Variants in EBF2 observed in about 807,000 individuals in gnomAD.
The protein encoded by EBF2 is transcription factor COE2.
In EBF2, 21 loss-of-function variants were observed where a neutral mutation model predicts 72.8. That is an observed-to-expected ratio of 0.29 (90% CI 0.20 to 0.42). The LOEUF (loss-of-function observed/expected upper bound fraction) is 0.42. Ranked by LOEUF, EBF2 falls within the 10% of genes least tolerant of loss-of-function variation. The pLI, the probability that EBF2 is intolerant of heterozygous loss-of-function variation, is 1.00. For synonymous variants in EBF2, 299 were observed against 274.2 expected (o/e 1.09, Z -0.89); for missense variants, 637 against 731.2 (o/e 0.87, Z 1.49).
intron 6 of EBF2, among the ~76,000 whole-genome samples, chr8:25,987,182 T>C (rs1195746982): frequency 6.6e-6 from 1 of 152,228 alleles, no homozygotes; most frequent in Non-Finnish European, 1.5e-5. Flanking sequence ...GTCATATTTA[T>C]TGGATATTAG....
intron 10 of EBF2, among the ~76,000 whole-genome samples, chr8:25,865,611 G>A (rs1802295420): frequency 6.6e-6 from 1 of 151,742 alleles, no homozygotes. Context: ...TTTTTCTTTT[G>A]AGACAGGGTT....
chr8:25,968,376 T>C (rs1381790245), intron 6 of EBF2, among the ~76,000 whole-genome samples: 1 of 152,172 alleles, frequency 6.6e-6, no homozygotes, highest in African/African-American at 2.4e-5. Flanking sequence ...AATTCTGACA[T>C]ACGCTACAAC....
chr8:25,922,575 T>C (rs1803322169), intron 6 of EBF2, among the ~76,000 whole-genome samples: 1 of 152,202 alleles, frequency 6.6e-6, no homozygotes, highest in Admixed American at 6.5e-5. Context: ...AGAACAGATA[T>C]CATTATTAAG....
intron 10 of EBF2, among the ~76,000 whole-genome samples, chr8:25,883,602 G>T (rs923318464): frequency 6.6e-6 from 1 of 152,104 alleles, no homozygotes; most frequent in Non-Finnish European, 1.5e-5. Context: ...ATAATTTAAA[G>T]TGTGGCCAAG....
At chr8:26,039,992 G>C (rs764905999) in intron 5 of EBF2, 36 bp downstream of exon 5, 2 of 1,605,928 alleles carry the variant, frequency 1.2e-6, no homozygotes, top group East Asian at 4.5e-5. Context: ...GCACCTGCGG[G>C]CTCTCCAGGA....
intron 6 of EBF2, among the ~76,000 whole-genome samples, chr8:25,975,327 G>A (rs1246313706): frequency 6.6e-6 from 1 of 152,118 alleles, no homozygotes; most frequent in Non-Finnish European, 1.5e-5. Flanking sequence ...AAGTTTAGTT[G>A]GTACAGAATC....
chr8:25,888,118 A>G (rs1406249832), intron 8 of EBF2, 146 bp from the exon 9 acceptor site: 1 of 895,048 alleles, frequency 1.1e-6, no homozygotes, highest in East Asian at 2.8e-5. Flanking sequence ...GCTAACAAAC[A>G]ACAAACAAAA....
intron 6 of EBF2, among the ~76,000 whole-genome samples, chr8:26,008,263 G>A (rs559261310): frequency 6.6e-6 from 1 of 152,252 alleles, no homozygotes; most frequent in East Asian, 1.9e-4. Flanking sequence ...TATGCATTAT[G>A]TCTGCATTCC....
At chr8:25,977,572 A>G (rs11995651) in intron 6 of EBF2, among the ~76,000 whole-genome samples, 56,271 of 152,060 alleles carry the variant, frequency 0.37, 10,924 homozygotes, top group South Asian at 0.51. Flanking sequence ...AGGAAGAAGA[A>G]GAGAAAGAAA....
At chr8:25,925,563 C>G (rs1043929749) in intron 6 of EBF2, among the ~76,000 whole-genome samples, 2 of 152,196 alleles carry the variant, frequency 1.3e-5, no homozygotes, top group Admixed American at 6.5e-5. Flanking sequence ...TTACTTCAGC[C>G]AATCGTCATG....
intron 6 of EBF2, among the ~76,000 whole-genome samples, chr8:25,916,103 T>A (rs1803209250): frequency 6.6e-6 from 1 of 151,660 alleles, no homozygotes; most frequent in Admixed American, 6.6e-5. Context: ...CTAGTCAACA[T>A]GGTAAAACCC....
intron 6 of EBF2, among the ~76,000 whole-genome samples, chr8:25,996,767 G>A (rs1052923127): frequency 6.6e-6 from 1 of 152,032 alleles, no homozygotes; most frequent in Non-Finnish European, 1.5e-5. Context: ...AAAAACTTCT[G>A]CCAAGGATAA....
chr8:25,872,357 T>C (rs906699459), intron 10 of EBF2, among the ~76,000 whole-genome samples: 7 of 152,200 alleles, frequency 4.6e-5, no homozygotes, highest in African/African-American at 1.7e-4. Flanking sequence ...TCTGGGGATG[T>C]TGGCGGATCA....
At chr8:25,952,261 C>T (rs1026280999) in intron 6 of EBF2, among the ~76,000 whole-genome samples, 1 of 152,202 alleles carries the variant, frequency 6.6e-6, no homozygotes, top group Non-Finnish European at 1.5e-5. Context: ...GGCCACTGTG[C>T]TCCACTCTGG....
chr8:25,891,580 ATT>A (rs200868966), intron 7 of EBF2, among the ~76,000 whole-genome samples: 34 of 139,230 alleles, frequency 2.4e-4, no homozygotes, highest in Non-Finnish European at 2.8e-4. Flanking sequence ...ATCCTGTCGT[ATT>A]TTTTTTTTTT....
Position 26,029,761 on chromosome 8 carries a change from A to C in EBF2, c.551+3324T>G, listed in dbSNP as rs1239709237. 2.6e-5 allele frequency among the ~76,000 whole-genome samples: 4 copies of C among 152,302 alleles called. No homozygotes were observed. In the East Asian group the frequency reaches 7.7e-4, roughly 29 times the overall value. On this transcript the variant is annotated intron_variant, in intron 6 of 15. Coordinates refer to ENST00000520164, the MANE Select transcript of EBF2 (RefSeq NM_022659.4). ...CTATATTTACACAGAGGAAATCCAAAATAGACTACATTGCACCCATTTGGG... is the reference window on the plus strand; with the variant it reads ...CTATATTTACACAGAGGAAATCCAACATAGACTACATTGCACCCATTTGGG...
chr8:25,867,296 C>T (rs1275408493), intron 10 of EBF2, among the ~76,000 whole-genome samples: 1 of 152,214 alleles, frequency 6.6e-6, no homozygotes, highest in Non-Finnish European at 1.5e-5. Context: ...ATAAATCTTA[C>T]ATAGCATGGA....
rs138876788 is a variant in EBF2 at position 25,914,452 on chromosome 8, G to T, written c.552-5897C>A. Among the ~76,000 whole-genome samples the T allele has an allele frequency of 1.9e-3, 291 of 152,268 alleles. 2 individuals carry two copies. Among genetic ancestry groups the T allele is most frequent in the African/African-American group, 6.7e-3 (277 of 41,564 alleles). On this transcript the variant is annotated intron_variant, in intron 6 of 15. Coordinates refer to ENST00000520164, the MANE Select transcript of EBF2 (RefSeq NM_022659.4). ...CCTGGATACATCTATTGGTTGTTGA[G>T]GTGTTAGCCCAGGCTACAAAGGGCC...
chr8:25,898,054 G>A (rs569842246), intron 7 of EBF2, among the ~76,000 whole-genome samples: 1 of 152,274 alleles, frequency 6.6e-6, no homozygotes, highest in South Asian at 2.1e-4. Flanking sequence ...CATTGTCGCA[G>A]CCTTAAGGAG....
Sources: gnomAD v4.1 joint callset for allele counts (sites outside exome capture counted in the v4.1 genomes callset) on GRCh38, gnomAD v4.1.1 for gene constraint, MANE v1.5 for transcripts, NCBI Gene and HGNC (gene_info 2026-07-23, HGNC 2026-07-21) for gene names.